BMPR2: variants seen among roughly 807,000 people sequenced by gnomAD.
BMPR2 encodes the protein bone morphogenetic protein receptor type-2.
BMPR2 carries 29 observed loss-of-function variants against 100.8 expected under a neutral mutation model. That is an observed-to-expected ratio of 0.29 (90% CI 0.21 to 0.39). The LOEUF (loss-of-function observed/expected upper bound fraction) is 0.39, where lower values mean the gene tolerates loss of function less well. BMPR2 is among the 10% of genes least tolerant of loss of function. The pLI is 1.00. For synonymous variants in BMPR2, 382 were observed against 442.3 expected (o/e 0.86, Z 1.71); for missense variants, 1,011 against 1,274.5 (o/e 0.79, Z 3.15).
chr2:202,562,581 A>C lies in BMPR2; in HGVS notation c.*2635A>C, dbSNP rs933596619. 2 of 152,472 alleles carry C rather than the reference A, an allele frequency of 1.3e-5. No individual in the cohort carries two copies. Among genetic ancestry groups the C allele is most frequent in the Non-Finnish European group, 2.9e-5 (2 of 68,028 alleles). 9.4% of individuals were successfully genotyped at this position (152,472 alleles called of 1,614,324 possible). On this transcript the variant is annotated 3_prime_UTR_variant, in exon 13 of 13. Transcript: ENST00000374580. Reference sequence around the variant, plus strand: ...TTCTTAAAGTTGACATTTAACTGCTATCACAAAGTTTTATATGTAGAAAAG... The same window carrying C: ...TTCTTAAAGTTGACATTTAACTGCTCTCACAAAGTTTTATATGTAGAAAAG...
intron 1 of BMPR2, among the ~76,000 whole-genome samples, chr2:202,456,236 A>G (rs1007622722): frequency 2.6e-5 from 4 of 151,472 alleles, no homozygotes; most frequent in Non-Finnish European, 4.4e-5. Flanking sequence ...CAATGGCTCA[A>G]TCTCGGCTCA....
chr2:202,419,838 T>C lies in BMPR2; in HGVS notation c.76+42288T>C, dbSNP rs576903406. On this transcript the variant is annotated intron_variant, in intron 1 of 12. Transcript: ENST00000374580. Reference sequence around the variant, plus strand: ...TTCCCCGAAAAGCAATATGAGAAATTAGAAAAAAGGTTATTAAAAACCCAA... The same window carrying C: ...TTCCCCGAAAAGCAATATGAGAAATCAGAAAAAAGGTTATTAAAAACCCAA... 2.6e-5 allele frequency among the ~76,000 whole-genome samples: 4 copies of C among 152,096 alleles called. No individual in the cohort carries two copies. In the South Asian group the frequency reaches 6.2e-4, roughly 24 times the overall value.
At chr2:202,476,173 CAG>C (rs1415816383) in intron 3 of BMPR2, among the ~76,000 whole-genome samples, 152 of 148,846 alleles carry the variant, frequency 1.0e-3, no homozygotes, top group African/African-American at 3.7e-3. Flanking sequence ...AAATACTAGA[CAG>C]AATTGGTTGC....
intron 1 of BMPR2, among the ~76,000 whole-genome samples, chr2:202,446,656 ATT>A (rs71406978): frequency 7.0e-6 from 1 of 142,080 alleles, no homozygotes. Context: ...ACTCACATAC[ATT>A]TTTTTTTTTT....
At chr2:202,437,153 G>C (rs1449588264) in intron 1 of BMPR2, among the ~76,000 whole-genome samples, 1 of 150,168 alleles carries the variant, frequency 6.7e-6, no homozygotes, top group Non-Finnish European at 1.5e-5. Flanking sequence ...TTACAGGCGG[G>C]CGCCACCACG....
chr2:202,440,347 G>C (rs1364019943), intron 1 of BMPR2, among the ~76,000 whole-genome samples: 1 of 149,620 alleles, frequency 6.7e-6, no homozygotes, highest in African/African-American at 2.6e-5. Flanking sequence ...GCCGGGCACA[G>C]GCGCTCCTCA....
intron 1 of BMPR2, among the ~76,000 whole-genome samples, chr2:202,427,504 AAAC>A (rs1222625547): frequency 6.6e-6 from 1 of 151,980 alleles, no homozygotes; most frequent in African/African-American, 2.4e-5. Flanking sequence ...GAAAAAAAAA[AAAC>A]AAGAAGCAAG....
chr2:202,527,559 G>A (rs181202059), intron 7 of BMPR2, among the ~76,000 whole-genome samples: 19,065 of 150,742 alleles, frequency 0.13, 1,268 homozygotes, highest in Admixed American at 0.14. Context: ...GCCGAGGCGG[G>A]TGGATCATGA....
intron 7 of BMPR2, among the ~76,000 whole-genome samples, chr2:202,527,902 G>T (rs1687947955): frequency 6.6e-6 from 1 of 152,024 alleles, no homozygotes; most frequent in African/African-American, 2.4e-5. Context: ...ATTATAAATT[G>T]GCTGGGCATG....
chr2:202,491,163 C>T (rs995025494), intron 3 of BMPR2, among the ~76,000 whole-genome samples: 9 of 152,092 alleles, frequency 5.9e-5, no homozygotes, highest in African/African-American at 2.2e-4. Context: ...CTCAAGCAGT[C>T]CTCCCACCTC....
chr2:202,424,106 G>A (rs1691331199), intron 1 of BMPR2, among the ~76,000 whole-genome samples: 1 of 150,316 alleles, frequency 6.7e-6, no homozygotes, highest in African/African-American at 2.4e-5. Flanking sequence ...AGGCACAGTG[G>A]CTCACCCCTG....
chr2:202,514,825 A>G, intron 4 of BMPR2, 63 bp from the exon 5 acceptor site: 2 of 1,296,816 alleles, frequency 1.5e-6, no homozygotes, highest in Admixed American at 3.5e-5. Flanking sequence ...TATTATAAAA[A>G]GTGTAAAAAG....
In BMPR2 at chr2:202,431,896, C is replaced by T. The variant is rs188132115; in HGVS notation, c.77-32913C>T. Among the ~76,000 whole-genome samples, 18 of 150,724 alleles carry T rather than the reference C, an allele frequency of 1.2e-4. 3 individuals carry two copies. Among genetic ancestry groups the T allele is most frequent in the African/African-American group, 4.5e-4 (18 of 40,132 alleles). On this transcript the variant is annotated intron_variant, in intron 1 of 12. Transcript: ENST00000374580. ...GTACAAAAGAGTAGCCAATGAAAAA[C>T]TCTTTTTTTCTACTCTAGATCTCTA...
intron 3 of BMPR2, among the ~76,000 whole-genome samples, chr2:202,483,870 T>C (rs2105975514): frequency 6.6e-6 from 1 of 152,224 alleles, no homozygotes; most frequent in South Asian, 2.1e-4. Flanking sequence ...GGTGGGAAAA[T>C]CATTTGATGC....
chr2:202,522,298 G>T (rs548448144), intron 7 of BMPR2, among the ~76,000 whole-genome samples: 7 of 152,158 alleles, frequency 4.6e-5, no homozygotes, highest in African/African-American at 1.7e-4. Context: ...ACAAGGTCAG[G>T]AGTTTGAGAC....
intron 1 of BMPR2, among the ~76,000 whole-genome samples, chr2:202,451,480 C>T (rs764579283): frequency 3.3e-5 from 5 of 152,138 alleles, no homozygotes; most frequent in Admixed American, 6.6e-5. Flanking sequence ...GGGAGGATCA[C>T]CTGAGGTTAG....
At chr2:202,412,686 A>G (rs1288823422) in intron 1 of BMPR2, among the ~76,000 whole-genome samples, 1 of 152,234 alleles carries the variant, frequency 6.6e-6, no homozygotes, top group African/African-American at 2.4e-5. Flanking sequence ...AAATATAAGC[A>G]GGAATTTTTA....
At chr2:202,432,827 TA>T (rs2105932343) in intron 1 of BMPR2, among the ~76,000 whole-genome samples, 1 of 150,750 alleles carries the variant, frequency 6.6e-6, no homozygotes, top group Admixed American at 6.6e-5. Context: ...TTACCTTAAT[TA>T]AAAATAAATC....
At chr2:202,388,707 G>GA (rs1258452980) in intron 1 of BMPR2, among the ~76,000 whole-genome samples, 1 of 150,434 alleles carries the variant, frequency 6.6e-6, no homozygotes, top group Non-Finnish European at 1.5e-5. Flanking sequence ...AGAATCCCTT[G>GA]AACCTGAGAG....
Sources: allele counts gnomAD v4.1 joint callset (sites outside exome capture counted in the v4.1 genomes callset), GRCh38; gene constraint gnomAD v4.1.1; transcripts MANE v1.5; gene names NCBI Gene and HGNC (gene_info 2026-07-23, HGNC 2026-07-21).